OPRM1: variants seen among roughly 807,000 people sequenced by gnomAD.
OPRM1 encodes the protein opioid receptor mu 1.
A neutral mutation model predicts 31.8 loss-of-function variants in OPRM1; 27 were observed. That is an observed-to-expected ratio of 0.85 (90% CI 0.63 to 1.17). The LOEUF (loss-of-function observed/expected upper bound fraction) is 1.17, where lower values mean the gene tolerates loss of function less well. OPRM1 is among the 50% of genes most tolerant of loss of function. OPRM1 has a pLI of 0.00. For missense variants in OPRM1, 536 were observed against 511.1 expected (o/e 1.05, Z -0.47); for synonymous variants, 196 against 189.9 (o/e 1.03, Z -0.26).
chr6:154,154,183 G>T (rs1798622267), intron 3 of OPRM1, among the ~76,000 whole-genome samples: 1 of 152,162 alleles, frequency 6.6e-6, no homozygotes, highest in South Asian at 2.1e-4. Flanking sequence ...AATGCAGGCT[G>T]ATTCCCTCTG....
At chr6:154,066,321 T>C (rs1464650463) in intron 1 of OPRM1, among the ~76,000 whole-genome samples, 2 of 152,150 alleles carry the variant, frequency 1.3e-5, no homozygotes, top group Non-Finnish European at 2.9e-5. Context: ...TTCGTTATAT[T>C]GAAAAATTTT....
intron 3 of OPRM1, chr6:154,222,879 CCCTG>C (rs1778976300): frequency 2.5e-6 from 1 of 399,854 alleles, no homozygotes; most frequent in East Asian, 4.4e-5. Context: ...CATCTGACCT[CCCTG>C]CCAGTCCTGG....
Position 154,039,730 on chromosome 6 carries a change from C to T in OPRM1, c.186C>T (p.Thr62=), listed in dbSNP as rs1342713581. The T allele has an allele frequency of 1.9e-6, 3 of 1,609,280 alleles. No individual in the cohort carries two copies. The highest frequency in any genetic ancestry group is 1.7e-5 in the Admixed American group (1 of 59,890). ...GGAGAGACAGCCTGTGCCCTCCGAC[C>T]GGCAGTCCCTCCATGATCACGGCCA... The part of the protein sequence containing the change: ...LGGRDSLCPP[T]GSPSMITAIT... Residue 62 remains threonine, a synonymous_variant, in exon 1 of 4, where the codon ACC becomes ACT. Coordinates refer to ENST00000330432, the MANE Select transcript of OPRM1 (RefSeq NM_000914.5).
chr6:154,152,856 C>T (rs534170128), intron 3 of OPRM1, among the ~76,000 whole-genome samples: 42 of 151,788 alleles, frequency 2.8e-4, no homozygotes, highest in African/African-American at 9.7e-4. Flanking sequence ...CAGCCTCTCA[C>T]GTAGCTGGGA....
intron 3 of OPRM1, among the ~76,000 whole-genome samples, chr6:154,161,594 A>C (rs1799022925): frequency 6.6e-6 from 1 of 152,146 alleles, no homozygotes; most frequent in African/African-American, 2.4e-5. Flanking sequence ...CCAAAATTGG[A>C]CTGATAAGCT....
At chr6:154,088,894 A>C (rs1791305370) in intron 1 of OPRM1, among the ~76,000 whole-genome samples, 1 of 152,052 alleles carries the variant, frequency 6.6e-6, no homozygotes, top group Non-Finnish European at 1.5e-5. Flanking sequence ...TTCCAACTCT[A>C]CATCTTTGTT....
chr6:154,109,788 CTCTCTGTGTGTGTGTGTGTG>C lies in OPRM1; in HGVS notation c.1165-8893_1165-8874del, dbSNP rs1416275146. Reference sequence around the variant, plus strand: ...TCTCCCTCTCTCTCTCTCTCTCTCTCTCTCTGTGTGTGTGTGTGTGTGTGTGTGTGTGTGTGTGTGTGTGT... The same window carrying C: ...TCTCCCTCTCTCTCTCTCTCTCTCTCTGTGTGTGTGTGTGTGTGTGTGTGT... On this transcript the variant is annotated intron_variant, in intron 3 of 3. Transcript: ENST00000330432. 2.2e-4 allele frequency among the ~76,000 whole-genome samples: 23 copies of C among 103,918 alleles called. No individual in the cohort carries two copies. The South Asian group carries it at 3.0e-3, about 13-fold the overall frequency. The allele number at this position is 103,918 out of a possible 152,430, so 68.2% of individuals were successfully genotyped here. A position where few individuals can be genotyped will look rare whatever the true frequency, so the allele number is the denominator to read the frequency against.
At chr6:154,059,584 TA>T (rs11373406) in intron 1 of OPRM1, among the ~76,000 whole-genome samples, 134 of 149,412 alleles carry the variant, frequency 9.0e-4, no homozygotes, top group African/African-American at 3.0e-3. Context: ...TTTTTACACT[TA>T]AAAAAAAAAA....
intron 3 of OPRM1, among the ~76,000 whole-genome samples, chr6:154,210,781 T>C (rs543780649): frequency 3.0e-4 from 46 of 152,352 alleles, no homozygotes; most frequent in African/African-American, 1.0e-3. Context: ...CAAAGTTTAA[T>C]TTTATTTATA....
intron 3 of OPRM1, among the ~76,000 whole-genome samples, chr6:154,196,689 C>T (rs564370451): frequency 6.6e-6 from 1 of 152,264 alleles, no homozygotes; most frequent in Non-Finnish European, 1.5e-5. Context: ...ATGAGGAGCA[C>T]AGGGTAAAAT....
In OPRM1 at chr6:154,039,672, A is replaced by G. The variant is rs754187495; in HGVS notation, c.128A>G (p.Asp43Gly). 1.2e-6 allele frequency: 2 copies of G among 1,613,698 alleles called. No individual in the cohort carries two copies. The highest frequency in any genetic ancestry group is 1.7e-6 in the Non-Finnish European group (2 of 1,179,886). The part of the protein sequence containing the change: ...NLSHLDGNLS[D>G]PCGPNRTDLG... ...TCCCACTTAGATGGCAACCTGTCCG[A>G]CCCATGCGGTCCGAACCGCACCGAC... is the stretch of plus-strand genomic sequence containing the variant. Residue 43 changes from aspartate (D) to glycine (G), a missense_variant, in exon 1 of 4, where the codon GAC (aspartate) becomes GGC (glycine). Physicochemically the swap from Asp to Gly is moderately conservative, Grantham distance 94. Transcript: ENST00000330432.
intron 3 of OPRM1, among the ~76,000 whole-genome samples, chr6:154,245,159 G>A (rs949766506): frequency 6.6e-6 from 1 of 152,124 alleles, no homozygotes; most frequent in Non-Finnish European, 1.5e-5. Context: ...ACAAGATGAA[G>A]AATGTATTCA....
chr6:154,169,626 T>C (rs1799712979), intron 3 of OPRM1, among the ~76,000 whole-genome samples: 1 of 152,132 alleles, frequency 6.6e-6, no homozygotes, highest in African/African-American at 2.4e-5. Context: ...TGGTTTTGAG[T>C]AGAAAGTGAT....
At chr6:154,010,500 T>C, upstream of OPRM1, 1 of 1,541,152 alleles carries the variant, frequency 6.5e-7, no homozygotes, top group Non-Finnish European at 8.8e-7. Flanking sequence ...TTGTTTGTCT[T>C]CCTGTAAAGA....
At chr6:154,093,979 AC>A (rs754859459) in intron 3 of OPRM1, among the ~76,000 whole-genome samples, 3 of 152,242 alleles carry the variant, frequency 2.0e-5, no homozygotes, top group Non-Finnish European at 4.4e-5. Context: ...AGTTAGTTGT[AC>A]AAATCCAGAA....
At chr6:154,227,987 CA>C (rs11289794) in intron 3 of OPRM1, among the ~76,000 whole-genome samples, 89,386 of 150,032 alleles carry the variant, frequency 0.6, 26,888 homozygotes, top group South Asian at 0.78. Flanking sequence ...ATTTGACTTG[CA>C]AAAAAAAAAT....
intron 3 of OPRM1, among the ~76,000 whole-genome samples, chr6:154,234,480 A>G (rs561424619): frequency 6.6e-5 from 10 of 152,378 alleles, no homozygotes; most frequent in Admixed American, 3.3e-4. Flanking sequence ...AACCTAAACC[A>G]GGATGCTATT....
chr6:154,232,328 T>C (rs1390543124), intron 3 of OPRM1, among the ~76,000 whole-genome samples: 2 of 152,230 alleles, frequency 1.3e-5, no homozygotes, highest in Non-Finnish European at 2.9e-5. Context: ...GGGAGTGTGC[T>C]TGGAATCCTT....
chr6:154,195,873 C>A lies in OPRM1; in HGVS notation c.1165-50820C>A, dbSNP rs151243528. On this transcript the variant is annotated intron_variant, in intron 3 of 3. Transcript: ENST00000337049. ...GTGGTGCAATCTCGGCTCACTGCAA[C>A]CTCTGCCTCGCAGGTTCAAGCAATT... Among the ~76,000 whole-genome samples, 1,480 of 151,140 alleles carry A rather than the reference C, an allele frequency of 9.8e-3. 12 individuals carry two copies. The highest frequency in any genetic ancestry group is 0.015 in the Non-Finnish European group (1,051 of 67,856).
Sources: allele counts gnomAD v4.1 joint callset (sites outside exome capture counted in the v4.1 genomes callset), GRCh38; gene constraint gnomAD v4.1.1; transcripts MANE v1.5; gene names NCBI Gene and HGNC (gene_info 2026-07-23, HGNC 2026-07-21).